Variants in SEL1L3 observed in about 807,000 individuals in gnomAD.
SEL1L3 encodes SEL1L family member 3, also known as protein sel-1 homolog 3.
A neutral mutation model predicts 142.8 loss-of-function variants in SEL1L3; 76 were observed. The observed-to-expected ratio is 0.53, with a 90% CI of 0.44 to 0.64. The LOEUF is 0.64. SEL1L3 is among the 30% of genes least tolerant of loss of function. The pLI is 0.00. For missense variants in SEL1L3, 1,262 were observed against 1,381.7 expected, an observed-to-expected ratio of 0.91 and a Z score of 1.37; for synonymous variants, 504 against 519.6, an observed-to-expected ratio of 0.97 and a Z score of 0.41.
At chr4:25,746,985 A>G (rs1355133087), downstream of SEL1L3, among the ~76,000 whole-genome samples, 2 of 152,108 alleles carry the variant, frequency 1.3e-5, no homozygotes, top group Non-Finnish European at 2.9e-5. Context: ...AGACTTAGAG[A>G]AGGTTAATCA....
chr4:25,809,437 G>A (rs1005775456), intron 9 of SEL1L3, among the ~76,000 whole-genome samples: 7 of 151,578 alleles, frequency 4.6e-5, no homozygotes, highest in Non-Finnish European at 8.8e-5. Context: ...GAGCCACGGC[G>A]CCCAGCCTAT....
At chr4:25,837,912 C>T (rs772752396) in intron 2 of SEL1L3, among the ~76,000 whole-genome samples, 1 of 152,088 alleles carries the variant, frequency 6.6e-6, no homozygotes, top group Non-Finnish European at 1.5e-5. Context: ...CAGTGCCATC[C>T]ACCACTAAAT....
At position 25,779,065 on chromosome 4, in the gene SEL1L3, CAG is replaced by C. The variant is rs1031344482; in HGVS notation, c.2585+9_2585+10del. On this transcript the variant is annotated intron_variant, in intron 16 of 23. Coordinates refer to ENST00000399878, the MANE Select transcript of SEL1L3 (RefSeq NM_015187.5). ...CTTTCCCTTCAAATGCAACGTTTGA[CAG>C]AGTCTTACACAACAGCTTTCTCAGG... The C allele has an allele frequency of 5.6e-6, 9 of 1,612,236 alleles. No homozygotes were observed. Among genetic ancestry groups the C allele is most frequent in the African/African-American group, 1.3e-5 (1 of 74,852 alleles).
the SEL1L3 span, among the ~76,000 whole-genome samples, chr4:25,726,417 A>C: frequency 4.6e-5 from 7 of 151,410 alleles, no homozygotes; most frequent in African/African-American, 1.7e-4. Context: ...AATCCCAGTT[A>C]CTTAGGAGCC....
rs1560269555 is a variant in SEL1L3, at chr4:25,747,599, C to CACACAT, written c.*820_*825dup. ...TCTAACACACACACACACACACACACACACATATCCCTGTACAGACTCACG... is the reference window on the plus strand; with the variant it reads ...TCTAACACACACACACACACACACACACACATACACATATCCCTGTACAGACTCACG... On this transcript the variant is annotated 3_prime_UTR_variant, in exon 24 of 24. Transcript: ENST00000399878. 1 of 152,146 alleles carries CACACAT rather than the reference C, an allele frequency of 6.6e-6. No individual in the cohort carries two copies. The highest frequency in any genetic ancestry group is 1.5e-5 in the Non-Finnish European group (1 of 68,076). 9.4% of individuals were successfully genotyped at this position (152,146 alleles called of 1,614,324 possible).
the SEL1L3 span, among the ~76,000 whole-genome samples, chr4:25,717,646 AC>A: frequency 1.3e-5 from 2 of 152,208 alleles, no homozygotes; most frequent in African/African-American, 4.8e-5. Context: ...AGCCTGGGCG[AC>A]AGAGCGAGAC....
chr4:25,809,178 C>T (rs1366506235), intron 9 of SEL1L3, among the ~76,000 whole-genome samples: 1 of 151,226 alleles, frequency 6.6e-6, no homozygotes, highest in Non-Finnish European at 1.5e-5. Flanking sequence ...GAATCTTGCT[C>T]TGTCGCCCAG....
chr4:25,860,690 T>G (rs759273200), intron 1 of SEL1L3: 20 of 152,268 alleles, frequency 1.3e-4, no homozygotes, highest in Non-Finnish European at 2.8e-4. Context: ...GAAGTCCATC[T>G]GAAGGAAGCA....
At chr4:25,857,786 G>A (rs190830582) in intron 1 of SEL1L3, among the ~76,000 whole-genome samples, 40 of 152,332 alleles carry the variant, frequency 2.6e-4, no homozygotes, top group East Asian at 7.7e-4. Context: ...ACCTGTCACC[G>A]CTTTCTGGCT....
intron 11 of SEL1L3, among the ~76,000 whole-genome samples, chr4:25,795,970 C>G (rs966760207): frequency 2.0e-5 from 3 of 151,602 alleles, no homozygotes; most frequent in Non-Finnish European, 4.4e-5. Context: ...AGGGGCAGAG[C>G]TGGTGGACAC....
chr4:25,813,967 T>C (rs990866026), intron 9 of SEL1L3, among the ~76,000 whole-genome samples: 1 of 152,134 alleles, frequency 6.6e-6, no homozygotes, highest in Admixed American at 6.5e-5. Flanking sequence ...TTGGCTGAGA[T>C]AGTGAGCAGA....
chr4:25,751,839 G>A (rs377020017), intron 23 of SEL1L3, among the ~76,000 whole-genome samples: 3 of 151,994 alleles, frequency 2.0e-5, no homozygotes, highest in East Asian at 3.9e-4. Flanking sequence ...GGCTGGGCAC[G>A]GTGGCTCACG....
rs1716631048 is a variant in SEL1L3, at chr4:25,847,781, G to A, written c.246C>T (p.Asp82=). ...CTTCAAAGACAGTAAAATAAATAAA[G>A]TCTTTGTAAGCCACGCTCTGCTCAG... ...PKAEQSVAYK[D]FIYFTVFEGN... is the part of the protein sequence containing the mutation. Residue 82 remains aspartate, a synonymous_variant, in exon 2 of 24, where the codon GAC becomes GAT. Transcript: ENST00000399878. 8.1e-6 allele frequency: 13 copies of A among 1,613,636 alleles called. No individual in the cohort carries two copies. Among genetic ancestry groups the A allele is most frequent in the Non-Finnish European group, 1.1e-5 (13 of 1,179,772 alleles).
chr4:25,772,542 G>A (rs1034224345), intron 17 of SEL1L3, among the ~76,000 whole-genome samples: 2 of 151,518 alleles, frequency 1.3e-5, no homozygotes, highest in African/African-American at 4.9e-5. Flanking sequence ...GCTCATGGCC[G>A]CATTGATCTT....
At chr4:25,863,400 T>C (rs2109337819), upstream of SEL1L3, 1 of 696,476 alleles carries the variant, frequency 1.4e-6, no homozygotes, top group Admixed American at 2.0e-5. Flanking sequence ...TCCCATCCTC[T>C]TCCTCGCTTC....
chr4:25,722,639 T>TTTTTTTTTTTTTG, the SEL1L3 span, among the ~76,000 whole-genome samples: 3 of 150,194 alleles, frequency 2.0e-5, no homozygotes, highest in African/African-American at 2.5e-5. Flanking sequence ...TTTTTTTTTT[T>TTTTTTTTTTTTTG]AGAGATAGGG....
chr4:25,772,311 AC>A (rs749070117), intron 17 of SEL1L3, among the ~76,000 whole-genome samples: 2 of 152,242 alleles, frequency 1.3e-5, no homozygotes, highest in Non-Finnish European at 2.9e-5. Flanking sequence ...ACTGAGACAT[AC>A]CTTTAAAAAT....
chr4:25,755,954 G>A, intron 23 of SEL1L3: 1 of 985,402 alleles, frequency 1.0e-6, no homozygotes, highest in East Asian at 1.1e-4. Context: ...CATGAGTGAA[G>A]TTTATTAACC....
intron 9 of SEL1L3, among the ~76,000 whole-genome samples, chr4:25,808,929 A>T (rs59302460): frequency 8.0e-4 from 53 of 66,320 alleles, no homozygotes; most frequent in Admixed American, 1.8e-3. Flanking sequence ...AAAAATTAGC[A>T]GGGTGTGGTG....
Sources: allele counts gnomAD v4.1 joint callset (sites outside exome capture counted in the v4.1 genomes callset), GRCh38; gene constraint gnomAD v4.1.1; transcripts MANE v1.5; gene names NCBI Gene and HGNC (gene_info 2026-07-23, HGNC 2026-07-21).